The following QTMAN variants were observed in gnomAD, a reference collection of about 807,000 sequenced individuals.
The protein encoded by QTMAN is queuosine-tRNA mannosyltransferase, also known as tRNA-queuosine alpha-mannosyltransferase.
the QTMAN span, among the ~76,000 whole-genome samples, chr2:144,129,291 A>G: frequency 4.0e-5 from 6 of 151,866 alleles, no homozygotes; most frequent in African/African-American, 1.4e-4. Flanking sequence ...ATTTAGAGGT[A>G]CAGGCCAGAC....
the QTMAN span, among the ~76,000 whole-genome samples, chr2:144,203,528 C>T: frequency 6.6e-6 from 1 of 152,026 alleles, no homozygotes. Context: ...CACAACAAGG[C>T]AGTACAGGAT....
At chr2:144,104,403 C>G in the QTMAN span, among the ~76,000 whole-genome samples, 6 of 152,260 alleles carry the variant, frequency 3.9e-5, no homozygotes, top group South Asian at 1.2e-3. Flanking sequence ...CGGGTCACTC[C>G]CACCCTAACG....
chr2:144,182,819 T>TC, the QTMAN span, among the ~76,000 whole-genome samples: 6 of 18,886 alleles, frequency 3.2e-4, 1 homozygote, highest in Non-Finnish European at 4.5e-4. Flanking sequence ...ATATATATAT[T>TC]ATATATATAA....
At chr2:144,245,482 ACT>A in the QTMAN span, among the ~76,000 whole-genome samples, 4 of 152,164 alleles carry the variant, frequency 2.6e-5, no homozygotes, top group African/African-American at 9.7e-5. Flanking sequence ...CTTAAGAAAG[ACT>A]CTGGTAAAAT....
At chr2:144,167,760 G>A in the QTMAN span, among the ~76,000 whole-genome samples, 2 of 152,184 alleles carry the variant, frequency 1.3e-5, no homozygotes, top group Admixed American at 1.3e-4. Context: ...AAATTACCCA[G>A]CCTTCGGTAT....
chr2:144,291,013 A>T, the QTMAN span, among the ~76,000 whole-genome samples: 1 of 152,112 alleles, frequency 6.6e-6, no homozygotes, highest in East Asian at 1.9e-4. Flanking sequence ...TGTGAGGGAG[A>T]ATCTGTTTCA....
At chr2:144,250,891 C>G in the QTMAN span, among the ~76,000 whole-genome samples, 2 of 151,356 alleles carry the variant, frequency 1.3e-5, no homozygotes, top group Non-Finnish European at 2.9e-5. Flanking sequence ...TCTTTTCTTT[C>G]TTAGTAAAAA....
chr2:143,985,140 T>C, the QTMAN span, among the ~76,000 whole-genome samples: 1 of 152,224 alleles, frequency 6.6e-6, no homozygotes, highest in Non-Finnish European at 1.5e-5. Flanking sequence ...CATGCTTGGA[T>C]GCTGCCATGG....
the QTMAN span, among the ~76,000 whole-genome samples, chr2:144,315,042 TC>T: frequency 2.0e-5 from 3 of 151,926 alleles, no homozygotes; most frequent in African/African-American, 7.3e-5. Context: ...CGCACCACCA[TC>T]CCCGGCTAAT....
At chr2:144,054,187 C>CA in the QTMAN span, among the ~76,000 whole-genome samples, 3 of 150,274 alleles carry the variant, frequency 2.0e-5, no homozygotes, top group Admixed American at 6.6e-5. Context: ...GACTCTGTCT[C>CA]AAAAAAAAAT....
chr2:144,225,606 C>T, the QTMAN span, among the ~76,000 whole-genome samples: 395 of 152,276 alleles, frequency 2.6e-3, 2 homozygotes, highest in Non-Finnish European at 3.8e-3. Context: ...CACATTCCTA[C>T]CTGCAAATAC....
chr2:144,171,935 T>A, the QTMAN span, among the ~76,000 whole-genome samples: 2 of 152,152 alleles, frequency 1.3e-5, no homozygotes, highest in African/African-American at 4.8e-5. Flanking sequence ...AGTATAGTTA[T>A]TTTTGACACA....
the QTMAN span, among the ~76,000 whole-genome samples, chr2:144,241,825 C>A: frequency 6.7e-6 from 1 of 150,368 alleles, no homozygotes; most frequent in East Asian, 1.9e-4. Flanking sequence ...CTACCACATG[C>A]CAGAAAGAAA....
the QTMAN span, among the ~76,000 whole-genome samples, chr2:144,312,542 C>T: frequency 5.3e-5 from 8 of 152,176 alleles, no homozygotes; most frequent in Non-Finnish European, 7.3e-5. Flanking sequence ...CTCAACATGC[C>T]ATCTCGACTG....
At chr2:144,028,866 C>T in the QTMAN span, among the ~76,000 whole-genome samples, 1 of 152,138 alleles carries the variant, frequency 6.6e-6, no homozygotes, top group African/African-American at 2.4e-5. Flanking sequence ...TGGTTGGTAA[C>T]TATGCCAGTT....
the QTMAN span, among the ~76,000 whole-genome samples, chr2:144,167,237 C>T: frequency 6.6e-6 from 1 of 152,000 alleles, no homozygotes; most frequent in Admixed American, 6.6e-5. Context: ...TGTCTTTAGC[C>T]ACACACTCTT....
At chr2:144,239,873 A>G in the QTMAN span, among the ~76,000 whole-genome samples, 1 of 152,214 alleles carries the variant, frequency 6.6e-6, no homozygotes. Context: ...CCTAAAGCCT[A>G]CCAATCTAGC....
the QTMAN span, among the ~76,000 whole-genome samples, chr2:144,056,775 T>C: frequency 6.6e-6 from 1 of 152,198 alleles, no homozygotes; most frequent in African/African-American, 2.4e-5. Context: ...TCGAAGCTTT[T>C]CTGGAAGGAG....
chr2:144,203,946 T>C, the QTMAN span, among the ~76,000 whole-genome samples: 1 of 152,000 alleles, frequency 6.6e-6, no homozygotes. Context: ...TAGCCATATG[T>C]AGAAAGCTGA....
Sources: gnomAD v4.1 joint callset for allele counts (sites outside exome capture counted in the v4.1 genomes callset) on GRCh38, gnomAD v4.1.1 for gene constraint, MANE v1.5 for transcripts, NCBI Gene and HGNC (gene_info 2026-07-23, HGNC 2026-07-21) for gene names.